Variants in ZNF654 observed in about 807,000 individuals in gnomAD.
The protein encoded by ZNF654 is zinc finger protein 654.
A neutral mutation model predicts 95.3 loss-of-function variants in ZNF654; 19 were observed. The observed-to-expected ratio is 0.20, with a 90% CI of 0.14 to 0.29. The LOEUF (loss-of-function observed/expected upper bound fraction) is 0.29. Ranked by LOEUF, ZNF654 falls within the 10% of genes least tolerant of loss-of-function variation. ZNF654 has a pLI of 1.00. For synonymous variants in ZNF654, 413 were observed against 457.9 expected (o/e 0.90, Z 1.25); for missense variants, 1,046 against 1,341.0 (o/e 0.78, Z 3.44).
chr3:88,124,164 G>C (rs372729025), intron 3 of ZNF654, among the ~76,000 whole-genome samples: 2 of 152,132 alleles, frequency 1.3e-5, no homozygotes, highest in Non-Finnish European at 2.9e-5. Context: ...TCTTTTGAGC[G>C]CTTACTAGGT....
chr3:88,118,144 G>A (rs1216236368), intron 3 of ZNF654, among the ~76,000 whole-genome samples: 1 of 152,158 alleles, frequency 6.6e-6, no homozygotes, highest in East Asian at 1.9e-4. Context: ...CCTGACGTTA[G>A]AGAAAAGTCT....
intron 1 of ZNF654, among the ~76,000 whole-genome samples, chr3:88,069,456 AC>A (rs1020854085): frequency 2.6e-5 from 4 of 152,032 alleles, no homozygotes; most frequent in African/African-American, 9.7e-5. Context: ...CTCTTAGTCC[AC>A]CCCCCAACCC....
intron 5 of ZNF654, 107 bp downstream of exon 5, chr3:88,129,118 C>T: frequency 1.3e-6 from 1 of 765,506 alleles, no homozygotes; most frequent in Non-Finnish European, 2.0e-6. Flanking sequence ...TACAGTAATG[C>T]CAAAGATTTA....
In ZNF654 at chr3:88,140,599, T is replaced by A; in HGVS notation, c.2930T>A (p.Val977Asp). The A allele has an allele frequency of 6.2e-7, 1 of 1,613,744 alleles. No individual in the cohort carries two copies. The highest frequency in any genetic ancestry group is 8.5e-7 in the Non-Finnish European group (1 of 1,179,732). Residue 977 changes from valine to aspartate, a missense_variant, in exon 8 of 9, where the codon GTC (valine) becomes GAC (aspartate). By Grantham distance (152) the Val-to-Asp change is radical. Transcript: ENST00000636215. The stretch of plus-strand genomic sequence containing the variant: ...AATAATTGTAGTAGTAGTGATATAG[T>A]CAATGGACACAGTGAAATAGAGCAA... ...SENNCSSSDI[V>D]NGHSEIEQTP...
chr3:88,085,154 T>C (rs544320544), intron 1 of ZNF654, among the ~76,000 whole-genome samples: 2 of 152,322 alleles, frequency 1.3e-5, no homozygotes, highest in East Asian at 3.9e-4. Context: ...GAAAAGTCTT[T>C]TGGGCTCTGA....
At chr3:88,074,425 T>C (rs912992315) in intron 1 of ZNF654, among the ~76,000 whole-genome samples, 32 of 151,260 alleles carry the variant, frequency 2.1e-4, no homozygotes, top group Admixed American at 6.6e-4. Flanking sequence ...CACTGCAATC[T>C]CTGCCTCCTG....
chr3:88,080,306 T>G (rs890455200), intron 1 of ZNF654, among the ~76,000 whole-genome samples: 9 of 152,146 alleles, frequency 5.9e-5, no homozygotes. Flanking sequence ...ACTGATGTAA[T>G]GAAATTGTCA....
intron 1 of ZNF654, among the ~76,000 whole-genome samples, chr3:88,076,688 C>T (rs959291412): frequency 6.6e-6 from 1 of 152,068 alleles, no homozygotes; most frequent in African/African-American, 2.4e-5. Context: ...ACTTCTTGTG[C>T]GTATATTTTG....
At chr3:88,070,563 GTTTTTTTTTTTTTTT>G (rs67079285) in intron 1 of ZNF654, among the ~76,000 whole-genome samples, 4 of 111,328 alleles carry the variant, frequency 3.6e-5, no homozygotes, top group African/African-American at 1.7e-4. Flanking sequence ...AACACTGCCT[GTTTTTTTTTTTTTTT>G]TTTTTTTTTT....
chr3:88,072,747 C>A (rs1381143230), intron 1 of ZNF654, among the ~76,000 whole-genome samples: 1 of 151,828 alleles, frequency 6.6e-6, no homozygotes, highest in Non-Finnish European at 1.5e-5. Flanking sequence ...ACCTCTTATC[C>A]CTCCACAAAA....
chr3:88,127,446 T>TA (rs71131550), intron 4 of ZNF654, among the ~76,000 whole-genome samples: 114,960 of 147,564 alleles, frequency 0.78, 45,496 homozygotes, highest in South Asian at 0.91. Flanking sequence ...GAAAGGGAGT[T>TA]AAAAAAAAAA....
At chr3:88,121,507 T>C (rs1455279887) in intron 3 of ZNF654, among the ~76,000 whole-genome samples, 5 of 152,100 alleles carry the variant, frequency 3.3e-5, no homozygotes, top group Non-Finnish European at 5.9e-5. Context: ...TTATTTTATA[T>C]GGGCAAGCTC....
intron 2 of ZNF654, among the ~76,000 whole-genome samples, chr3:88,090,591 A>G (rs1708581220): frequency 6.6e-6 from 1 of 150,686 alleles, no homozygotes. Flanking sequence ...TAAGTGCGGT[A>G]TAGCCTACAT....
intron 1 of ZNF654, among the ~76,000 whole-genome samples, chr3:88,077,185 G>C (rs1707850748): frequency 6.6e-6 from 1 of 152,148 alleles, no homozygotes; most frequent in East Asian, 1.9e-4. Context: ...AATCAGAATA[G>C]GGGAGGAGGA....
At chr3:88,134,261 G>C (rs1021783207) in intron 6 of ZNF654, among the ~76,000 whole-genome samples, 17 of 152,028 alleles carry the variant, frequency 1.1e-4, no homozygotes, top group African/African-American at 3.9e-4. Flanking sequence ...TAATCAAGCT[G>C]TCCTTAGATT....
chr3:88,108,375 T>G (rs4443201), intron 2 of ZNF654, among the ~76,000 whole-genome samples: 143,077 of 152,094 alleles, frequency 0.94, 67,823 homozygotes, highest in Non-Finnish European at 1. Flanking sequence ...TAAAGGTACC[T>G]AGTGACTCAT....
At chr3:88,134,647 T>C (rs1210897459) in intron 6 of ZNF654, among the ~76,000 whole-genome samples, 1 of 152,098 alleles carries the variant, frequency 6.6e-6, no homozygotes, top group Non-Finnish European at 1.5e-5. Context: ...TCTTAATAAA[T>C]TGAAAATGAA....
At chr3:88,103,971 C>T (rs569040488) in intron 2 of ZNF654, among the ~76,000 whole-genome samples, 8 of 151,578 alleles carry the variant, frequency 5.3e-5, no homozygotes, top group Non-Finnish European at 7.4e-5. Flanking sequence ...CATGTTGGCC[C>T]GGCTGGTCTC....
intron 3 of ZNF654, among the ~76,000 whole-genome samples, chr3:88,113,733 G>C (rs4384978): frequency 0.78 from 119,037 of 151,916 alleles, 47,548 homozygotes; most frequent in South Asian, 0.91. Flanking sequence ...TGACCCACTC[G>C]GTGAAGTAAA....
Sources: allele counts gnomAD v4.1 joint callset (sites outside exome capture counted in the v4.1 genomes callset), GRCh38; gene constraint gnomAD v4.1.1; transcripts MANE v1.5; gene names NCBI Gene and HGNC (gene_info 2026-07-23, HGNC 2026-07-21).